The following RBFOX1 variants were observed in gnomAD, a reference collection of about 807,000 sequenced individuals.
RBFOX1 encodes RNA binding protein fox-1 homolog 1.
Under a neutral mutation model 57.7 loss-of-function variants are expected in RBFOX1, and 8 were observed. That is an observed-to-expected ratio of 0.14 (90% CI 0.08 to 0.25). RBFOX1 has a LOEUF of 0.25. Among genes scored for constraint, RBFOX1 ranks in the 10% least tolerant of loss-of-function variants. The pLI, the probability that RBFOX1 is intolerant of heterozygous loss-of-function variation, is 1.00. For missense variants in RBFOX1, 611 were observed against 548.5 expected, an observed-to-expected ratio of 1.11 and a Z score of -1.14; for synonymous variants, 326 against 222.4, an observed-to-expected ratio of 1.47 and a Z score of -4.15.
intron 4 of RBFOX1, among the ~76,000 whole-genome samples, chr16:7,358,113 TACTG>T (rs2097253043): frequency 6.6e-6 from 1 of 152,198 alleles, no homozygotes; most frequent in Non-Finnish European, 1.5e-5. Flanking sequence ...TTCCACTTCT[TACTG>T]ATTAACTTTC....
At chr16:7,685,003 G>T (rs764529300) in intron 14 of RBFOX1, among the ~76,000 whole-genome samples, 9 of 152,050 alleles carry the variant, frequency 5.9e-5, no homozygotes, top group Non-Finnish European at 1.3e-4. Flanking sequence ...CATCTAAAAA[G>T]CCTGCAGAGC....
intron 3 of RBFOX1, among the ~76,000 whole-genome samples, chr16:6,904,992 G>C (rs569599147): frequency 3.3e-5 from 5 of 152,138 alleles, no homozygotes; most frequent in Non-Finnish European, 7.3e-5. Context: ...TCTGTCAGAG[G>C]TGCTGTGCTT....
chr16:5,641,944 A>G (rs1326487144), intron 3 of RBFOX1, among the ~76,000 whole-genome samples: 3 of 152,194 alleles, frequency 2.0e-5, no homozygotes, highest in Admixed American at 6.5e-5. Context: ...ACTAAAATGC[A>G]GATTCAGTTT....
chr16:7,420,769 T>A (rs1043607007), intron 4 of RBFOX1, among the ~76,000 whole-genome samples: 1 of 148,408 alleles, frequency 6.7e-6, no homozygotes, highest in Non-Finnish European at 1.5e-5. Context: ...TATATTGATC[T>A]TTTTTTTTTC....
At chr16:5,268,425 A>AG (rs1282064483) in intron 1 of RBFOX1, among the ~76,000 whole-genome samples, 1 of 152,262 alleles carries the variant, frequency 6.6e-6, no homozygotes, top group African/African-American at 2.4e-5. Context: ...GTCAAGAGTT[A>AG]GGATTTCAAA....
At chr16:6,622,992 C>T (rs1330850282) in intron 2 of RBFOX1, among the ~76,000 whole-genome samples, 1 of 152,160 alleles carries the variant, frequency 6.6e-6, no homozygotes, top group Non-Finnish European at 1.5e-5. Flanking sequence ...TAAAGATTAG[C>T]TATTTTAATG....
chr16:6,740,969 A>C (rs1028370578), intron 3 of RBFOX1, among the ~76,000 whole-genome samples: 2 of 152,204 alleles, frequency 1.3e-5, no homozygotes, highest in African/African-American at 4.8e-5. Flanking sequence ...TAGTTTCAAG[A>C]CGTTATGTAA....
chr16:6,459,791 A>T (rs2094867572), intron 2 of RBFOX1, among the ~76,000 whole-genome samples: 1 of 151,796 alleles, frequency 6.6e-6, no homozygotes, highest in African/African-American at 2.4e-5. Flanking sequence ...AGCCTGGCCA[A>T]CATGGAGAAA....
At chr16:6,029,061 C>T (rs993398539) in intron 1 of RBFOX1, among the ~76,000 whole-genome samples, 1 of 152,194 alleles carries the variant, frequency 6.6e-6, no homozygotes, top group African/African-American at 2.4e-5. Flanking sequence ...AAGCAGCAAT[C>T]ACACAGACTT....
At chr16:7,572,350 C>A (rs2092872463) in intron 5 of RBFOX1, among the ~76,000 whole-genome samples, 1 of 152,168 alleles carries the variant, frequency 6.6e-6, no homozygotes, top group African/African-American at 2.4e-5. Flanking sequence ...GTCATTTACG[C>A]TGCAGATATT....
chr16:7,368,090 A>C (rs2097494692), intron 4 of RBFOX1, among the ~76,000 whole-genome samples: 1 of 152,068 alleles, frequency 6.6e-6, no homozygotes, highest in Non-Finnish European at 1.5e-5. Context: ...AACGTAATGA[A>C]ACCCCATCTT....
chr16:6,831,080 A>G (rs72766782), intron 3 of RBFOX1, among the ~76,000 whole-genome samples: 9,176 of 152,316 alleles, frequency 0.06, 416 homozygotes, highest in Non-Finnish European at 0.098. Flanking sequence ...ACCTCCATCT[A>G]AAGTAAAGCT....
chr16:7,326,995 T>C (rs1264274035), intron 4 of RBFOX1, among the ~76,000 whole-genome samples: 1 of 152,158 alleles, frequency 6.6e-6, no homozygotes, highest in African/African-American at 2.4e-5. Context: ...TACTTCCTTA[T>C]TTGAGCCAAT....
At chr16:6,867,080 T>G (rs2060072068) in intron 3 of RBFOX1, among the ~76,000 whole-genome samples, 1 of 152,160 alleles carries the variant, frequency 6.6e-6, no homozygotes, top group South Asian at 2.1e-4. Flanking sequence ...AAAATTTCAT[T>G]CTAACCAGCA....
chr16:7,566,465 C>T (rs977536704), intron 5 of RBFOX1, among the ~76,000 whole-genome samples: 10 of 152,110 alleles, frequency 6.6e-5, no homozygotes, highest in South Asian at 2.1e-4. Flanking sequence ...CATTCAGGAG[C>T]GAAAAGAGTT....
intron 3 of RBFOX1, among the ~76,000 whole-genome samples, chr16:6,930,962 C>T (rs1331004408): frequency 6.6e-6 from 1 of 151,860 alleles, no homozygotes; most frequent in African/African-American, 2.4e-5. Flanking sequence ...ATCCCACCCC[C>T]CTACACACAT....
At chr16:6,393,594 G>A (rs1199450135) in intron 2 of RBFOX1, among the ~76,000 whole-genome samples, 1 of 152,064 alleles carries the variant, frequency 6.6e-6, no homozygotes, top group Admixed American at 6.5e-5. Flanking sequence ...CAATCTTGGG[G>A]TATCTCCCCT....
At chr16:5,432,559 G>GTTTTTTTT (rs35344614) in intron 1 of RBFOX1, among the ~76,000 whole-genome samples, 7 of 94,198 alleles carry the variant, frequency 7.4e-5, no homozygotes, top group East Asian at 3.2e-4. Flanking sequence ...TTGTTTGTTT[G>GTTTTTTTT]TTTTTTTTTT....
intron 1 of RBFOX1, among the ~76,000 whole-genome samples, chr16:6,184,428 C>T (rs1054224686): frequency 6.6e-6 from 1 of 152,278 alleles, no homozygotes; most frequent in African/African-American, 2.4e-5. Flanking sequence ...TGGAACAGAA[C>T]TTGCAGGTGT....
Sources: allele counts gnomAD v4.1 joint callset (sites outside exome capture counted in the v4.1 genomes callset), GRCh38; gene constraint gnomAD v4.1.1; transcripts MANE v1.5; gene names NCBI Gene and HGNC (gene_info 2026-07-23, HGNC 2026-07-21).